Variants in TBC1D1 observed in about 807,000 individuals in gnomAD.
The protein encoded by TBC1D1 is TBC1 (tre-2/USP6, BUB2, cdc16) domain family, member 1.
TBC1D1 carries 89 observed loss-of-function variants against 125.6 expected under a neutral mutation model. The observed-to-expected ratio is 0.71, with a 90% CI of 0.60 to 0.85. TBC1D1 has a LOEUF of 0.85. TBC1D1 is among the 40% of genes least tolerant of loss of function. The pLI is 0.00. For missense variants in TBC1D1, 1,377 were observed against 1,469.2 expected (o/e 0.94, Z 1.03); for synonymous variants, 565 against 564.1 (o/e 1.00, Z -0.02).
chr4:37,952,200 G>C lies in TBC1D1; in HGVS notation c.417+49688G>C. ...GACTATTTATCCTGTGACTTCACAC[G>C]CGCTTGGAAGTTTTGTTGTGATCTT... On this transcript the variant is annotated intron_variant, in intron 2 of 19. Transcript: ENST00000261439. 3 of 646,868 alleles carry C rather than the reference G, an allele frequency of 4.6e-6. No homozygotes were observed. The South Asian group carries it at 5.4e-5, about 12-fold the overall frequency. 40.1% of individuals were successfully genotyped at this position (646,868 alleles called of 1,614,324 possible).
intron 7 of TBC1D1, among the ~76,000 whole-genome samples, chr4:38,028,850 A>G (rs570789837): frequency 2.0e-5 from 3 of 152,328 alleles, no homozygotes; most frequent in South Asian, 2.1e-4. Context: ...GAACTTGAAC[A>G]GAATTCCTTC....
intron 2 of TBC1D1, among the ~76,000 whole-genome samples, chr4:38,004,870 A>G (rs1739788436): frequency 6.6e-6 from 1 of 152,218 alleles, no homozygotes; most frequent in South Asian, 2.1e-4. Flanking sequence ...AAAAGGATAG[A>G]TTATTGAAAA....
chr4:37,948,715 A>C (rs2152315218), intron 2 of TBC1D1, among the ~76,000 whole-genome samples: 1 of 152,152 alleles, frequency 6.6e-6, no homozygotes, highest in East Asian at 1.9e-4. Flanking sequence ...ACCACAGGTT[A>C]ATTTCAGTGT....
chr4:38,121,898 G>A (rs1175846747), intron 17 of TBC1D1, among the ~76,000 whole-genome samples: 1 of 152,142 alleles, frequency 6.6e-6, no homozygotes, highest in Non-Finnish European at 1.5e-5. Flanking sequence ...AAAGGATGAA[G>A]ATGTTGTCCC....
chr4:37,920,974 G>A (rs1720825150), intron 2 of TBC1D1, among the ~76,000 whole-genome samples: 1 of 151,998 alleles, frequency 6.6e-6, no homozygotes, highest in Non-Finnish European at 1.5e-5. Flanking sequence ...GCCAGGCATG[G>A]TGGCGGGTGC....
intron 2 of TBC1D1, among the ~76,000 whole-genome samples, chr4:38,012,021 A>C (rs576515660): frequency 3.2e-4 from 48 of 152,352 alleles, no homozygotes; most frequent in Admixed American, 1.8e-3. Context: ...GATGCAGCAG[A>C]AGACACAGCA....
chr4:38,093,130 C>G (rs1758705137), intron 13 of TBC1D1, among the ~76,000 whole-genome samples: 1 of 152,146 alleles, frequency 6.6e-6, no homozygotes, highest in African/African-American at 2.4e-5. Context: ...GATAGGCATT[C>G]TATCTTGAGT....
chr4:37,976,977 T>C (rs1352256201), intron 2 of TBC1D1, among the ~76,000 whole-genome samples: 1 of 152,016 alleles, frequency 6.6e-6, no homozygotes. Context: ...GCCCTGGGGG[T>C]GGGGGTCACC....
At chr4:38,066,930 G>A (rs1286433359) in intron 12 of TBC1D1, among the ~76,000 whole-genome samples, 1 of 151,988 alleles carries the variant, frequency 6.6e-6, no homozygotes, top group African/African-American at 2.4e-5. Flanking sequence ...GGGCTGGAGT[G>A]CAGTGGTGCA....
At chr4:38,053,319 T>TA in intron 11 of TBC1D1, 94 bp downstream of exon 13, 1 of 1,053,060 alleles carries the variant, frequency 9.5e-7, no homozygotes, top group Non-Finnish European at 1.2e-6. Flanking sequence ...TTTTGCCATT[T>TA]AAAAAATCAT....
At chr4:38,121,697 T>C (rs914305728) in intron 17 of TBC1D1, among the ~76,000 whole-genome samples, 7 of 151,996 alleles carry the variant, frequency 4.6e-5, no homozygotes, top group Middle Eastern at 3.2e-3. Flanking sequence ...TATTGTTTTT[T>C]TGTTTTGTTT....
At chr4:38,120,240 T>G (rs1221801113) in intron 17 of TBC1D1, 1 of 499,694 alleles carries the variant, frequency 2.0e-6, no homozygotes, top group African/African-American at 2.1e-5. Context: ...TGGGTCGTTG[T>G]CCAGCTGGCC....
At chr4:37,918,791 C>T (rs1365155639) in intron 2 of TBC1D1, among the ~76,000 whole-genome samples, 1 of 152,142 alleles carries the variant, frequency 6.6e-6, no homozygotes, top group Non-Finnish European at 1.5e-5. Context: ...TTTAATTAGT[C>T]TCTAAAACCA....
intron 2 of TBC1D1, among the ~76,000 whole-genome samples, chr4:37,927,624 G>C (rs1336413739): frequency 6.6e-6 from 1 of 152,222 alleles, no homozygotes; most frequent in Non-Finnish European, 1.5e-5. Context: ...GTTAGAAACA[G>C]TCATTGTGCC....
Position 38,052,703 on chromosome 4 carries a change from T to TAC in TBC1D1, c.1911-1487_1911-1486dup, listed in dbSNP as rs199509126. ...GTGGACACTTACATGCATGCGTATA[T>TAC]ACACACACACGCGCGCGCGCGCGCG... is the stretch of plus-strand genomic sequence containing the variant. On this transcript the variant is annotated intron_variant, in intron 11 of 19. Transcript: ENST00000261439. Among the ~76,000 whole-genome samples, 100 of 128,298 alleles carry TAC rather than the reference T, an allele frequency of 7.8e-4. 1 individual carries two copies. The highest frequency in any genetic ancestry group is 5.3e-3 in the East Asian group (26 of 4,888). 84.2% of individuals were successfully genotyped at this position (128,298 alleles called of 152,430 possible). A position where few individuals can be genotyped will look rare whatever the true frequency, so the allele number is the denominator to read the frequency against.
intron 2 of TBC1D1, among the ~76,000 whole-genome samples, chr4:37,998,163 C>T (rs1738228020): frequency 6.6e-6 from 1 of 152,162 alleles, no homozygotes; most frequent in Non-Finnish European, 1.5e-5. Flanking sequence ...GTGAGATCGT[C>T]ACTTCTCTCT....
At chr4:38,044,060 C>T (rs776917429) in intron 8 of TBC1D1, among the ~76,000 whole-genome samples, 17 of 152,172 alleles carry the variant, frequency 1.1e-4, no homozygotes, top group Non-Finnish European at 2.5e-4. Context: ...AGAAACTGGC[C>T]GAAGACCACG....
intron 9 of TBC1D1, 94 bp downstream of exon 9, chr4:38,044,584 T>A: frequency 7.5e-7 from 1 of 1,331,768 alleles, no homozygotes; most frequent in South Asian, 1.7e-5. Context: ...ATGTTCATCA[T>A]AAAGGTAAAA....
At chr4:38,113,392 C>T (rs1350618840) in intron 15 of TBC1D1, among the ~76,000 whole-genome samples, 2 of 152,196 alleles carry the variant, frequency 1.3e-5, no homozygotes, top group East Asian at 3.9e-4. Flanking sequence ...GAAATAGCCA[C>T]TCTACAAGCG....
Sources: gnomAD v4.1 joint callset for allele counts (sites outside exome capture counted in the v4.1 genomes callset) on GRCh38, gnomAD v4.1.1 for gene constraint, MANE v1.5 for transcripts, NCBI Gene and HGNC (gene_info 2026-07-23, HGNC 2026-07-21) for gene names.